The following LHFPL3 variants were observed in gnomAD, a reference collection of about 807,000 sequenced individuals.
LHFPL3 encodes the protein LHFPL tetraspan subfamily member 3.
A neutral mutation model predicts 19.3 loss-of-function variants in LHFPL3; 5 were observed. That is an observed-to-expected ratio of 0.26 (90% CI 0.14 to 0.54). The LOEUF (loss-of-function observed/expected upper bound fraction) is 0.54, where lower values mean the gene tolerates loss of function less well. LHFPL3 is among the 20% of genes least tolerant of loss of function. The probability of loss-of-function intolerance (pLI) is 0.94; values close to 1 mark genes in which losing one functional copy is unlikely to be tolerated. For synonymous variants in LHFPL3, 133 were observed against 126.2 expected, an observed-to-expected ratio of 1.05 and a Z score of -0.36; for missense variants, 249 against 307.4, an observed-to-expected ratio of 0.81 and a Z score of 1.42.
intron 1 of LHFPL3, among the ~76,000 whole-genome samples, chr7:104,614,717 T>C (rs1791297573): frequency 6.9e-6 from 1 of 145,834 alleles, no homozygotes; most frequent in East Asian, 2.0e-4. Flanking sequence ...CTTTCTTTCT[T>C]TCTTTCTTTC....
intron 1 of LHFPL3, among the ~76,000 whole-genome samples, chr7:104,500,315 T>C (rs969341882): frequency 2.6e-5 from 4 of 150,954 alleles, no homozygotes; most frequent in African/African-American, 9.9e-5. Flanking sequence ...CAATACTTGA[T>C]ACTTTAAGAA....
chr7:104,391,155 C>G lies in LHFPL3; in HGVS notation c.445+61931C>G, dbSNP rs376392045. ...AGTTTGCCTGTTCACTCTGATGGTACTTTCTTTTGCTATGCAGAAGCTCTT... is the reference window on the plus strand; with the variant it reads ...AGTTTGCCTGTTCACTCTGATGGTAGTTTCTTTTGCTATGCAGAAGCTCTT... On this transcript the variant is annotated intron_variant, in intron 1 of 2. Transcript: ENST00000424859. Among the ~76,000 whole-genome samples the G allele has an allele frequency of 6.0e-3, 918 of 152,150 alleles. 70 individuals are homozygous for G. In the East Asian group the frequency reaches 0.16, roughly 26 times the overall value.
At chr7:104,851,285 C>G (rs1791410488) in intron 2 of LHFPL3, among the ~76,000 whole-genome samples, 1 of 152,164 alleles carries the variant, frequency 6.6e-6, no homozygotes. Context: ...AAGCCTGTGG[C>G]TGGGTGTTTT....
chr7:104,612,458 C>T (rs1562949871), intron 1 of LHFPL3, among the ~76,000 whole-genome samples: 1 of 152,094 alleles, frequency 6.6e-6, no homozygotes, highest in African/African-American at 2.4e-5. Context: ...AAACAGTGCA[C>T]ATCTCAAAAA....
At chr7:104,767,746 GTTGGCTTGAGAACAA>G (rs1017974515) in intron 2 of LHFPL3, among the ~76,000 whole-genome samples, 5 of 152,124 alleles carry the variant, frequency 3.3e-5, no homozygotes, top group African/African-American at 9.7e-5. Context: ...AAATCCACGG[GTTGGCTTGAGAACAA>G]AAGCCCAGAG....
intron 2 of LHFPL3, among the ~76,000 whole-genome samples, chr7:104,893,451 G>C (rs1037628284): frequency 6.6e-6 from 1 of 151,798 alleles, no homozygotes; most frequent in Non-Finnish European, 1.5e-5. Flanking sequence ...GAGGCTAGGA[G>C]GTGGAGGTTG....
intron 2 of LHFPL3, among the ~76,000 whole-genome samples, chr7:104,860,085 G>C (rs978977152): frequency 2.0e-5 from 3 of 151,854 alleles, no homozygotes; most frequent in African/African-American, 7.3e-5. Flanking sequence ...AATAAAGTAC[G>C]ACCCATAACC....
intron 1 of LHFPL3, among the ~76,000 whole-genome samples, chr7:104,410,376 A>C (rs1051340608): frequency 2.0e-5 from 3 of 151,878 alleles, no homozygotes; most frequent in Non-Finnish European, 4.4e-5. Context: ...CAGGTGATCC[A>C]CCCGCCTTGG....
Position 104,497,518 on chromosome 7 carries a change from C to G in LHFPL3, c.445+168294C>G, listed in dbSNP as rs569774249. ...TGTCTTCATCTGAGAGCTGACAGAT[C>G]TGCCACTTTCAGTAAACAGCCTCTG... is the stretch of plus-strand genomic sequence containing the variant. On this transcript the variant is annotated intron_variant, in intron 1 of 2. Coordinates refer to ENST00000424859, the MANE Select transcript of LHFPL3 (RefSeq NM_199000.3). 1.4e-3 allele frequency among the ~76,000 whole-genome samples: 219 copies of G among 152,028 alleles called. 2 individuals carry two copies. The highest frequency in any genetic ancestry group is 4.4e-3 in the African/African-American group (181 of 41,476).
intron 1 of LHFPL3, among the ~76,000 whole-genome samples, chr7:104,455,311 G>GA (rs1032251161): frequency 6.6e-6 from 1 of 152,128 alleles, no homozygotes; most frequent in African/African-American, 2.4e-5. Flanking sequence ...ACAATTAATT[G>GA]AAAAATCTCT....
At chr7:104,699,060 G>A (rs1215207968) in intron 1 of LHFPL3, among the ~76,000 whole-genome samples, 1 of 152,220 alleles carries the variant, frequency 6.6e-6, no homozygotes, top group Admixed American at 6.5e-5. Context: ...GCAAGGATGT[G>A]TAGAAATTGG....
chr7:104,694,586 A>G (rs775325930), intron 1 of LHFPL3, among the ~76,000 whole-genome samples: 8 of 152,220 alleles, frequency 5.3e-5, no homozygotes, highest in Admixed American at 6.5e-5. Context: ...TGTGGACACA[A>G]TGTCAAAACA....
chr7:104,347,477 G>A (rs971260903), intron 1 of LHFPL3, among the ~76,000 whole-genome samples: 2 of 152,172 alleles, frequency 1.3e-5, no homozygotes, highest in African/African-American at 4.8e-5. Context: ...AGGCTCAGGT[G>A]AAGGGTTGCA....
intron 1 of LHFPL3, among the ~76,000 whole-genome samples, chr7:104,630,230 C>T (rs1221647277): frequency 3.3e-5 from 5 of 152,004 alleles, no homozygotes; most frequent in East Asian, 1.9e-4. Flanking sequence ...CATAGAAGTG[C>T]TGGGGGCACA....
intron 1 of LHFPL3, among the ~76,000 whole-genome samples, chr7:104,733,926 A>G (rs1793751855): frequency 2.0e-5 from 3 of 152,162 alleles, no homozygotes; most frequent in Non-Finnish European, 2.9e-5. Flanking sequence ...GGTGGTGACA[A>G]AATCTCTCAG....
chr7:104,419,685 A>T (rs930594072), intron 1 of LHFPL3, among the ~76,000 whole-genome samples: 7 of 152,220 alleles, frequency 4.6e-5, no homozygotes, highest in African/African-American at 1.7e-4. Flanking sequence ...AGAAGGATGA[A>T]GCCAAAGTTC....
intron 1 of LHFPL3, among the ~76,000 whole-genome samples, chr7:104,371,005 A>C (rs562586895): frequency 9.2e-5 from 14 of 152,286 alleles, no homozygotes; most frequent in African/African-American, 3.4e-4. Flanking sequence ...ATTTTCTTAA[A>C]CTGCAACACT....
intron 2 of LHFPL3, among the ~76,000 whole-genome samples, chr7:104,738,046 C>T (rs1298491230): frequency 1.3e-5 from 2 of 152,088 alleles, no homozygotes; most frequent in Non-Finnish European, 2.9e-5. Flanking sequence ...TAAAATGGAG[C>T]AGCCCAGCAG....
chr7:104,632,716 C>A (rs993260438), intron 1 of LHFPL3, among the ~76,000 whole-genome samples: 1 of 152,190 alleles, frequency 6.6e-6, no homozygotes, highest in African/African-American at 2.4e-5. Flanking sequence ...AGTGCAGTGG[C>A]AAGATTTGCA....
Sources: gnomAD v4.1 joint callset for allele counts (sites outside exome capture counted in the v4.1 genomes callset) on GRCh38, gnomAD v4.1.1 for gene constraint, MANE v1.5 for transcripts, NCBI Gene and HGNC (gene_info 2026-07-23, HGNC 2026-07-21) for gene names.